The following GSK3B variants were observed in gnomAD, a reference collection of about 807,000 sequenced individuals.
GSK3B encodes the protein glycogen synthase kinase 3 beta, also known as glycogen synthase kinase-3 beta.
Under a neutral mutation model 56.4 loss-of-function variants are expected in GSK3B, and 15 were observed. The ratio of observed to expected loss-of-function variants is 0.27; its 90% CI spans 0.18 to 0.41. GSK3B has a LOEUF of 0.41. Ranked by LOEUF, GSK3B falls within the 10% of genes least tolerant of loss-of-function variation. The pLI is 1.00. For missense variants in GSK3B, 300 were observed against 513.4 expected (o/e 0.58, Z 4.02); for synonymous variants, 181 against 188.9 (o/e 0.96, Z 0.34).
chr3:119,842,241 C>T (rs185624175), intron 10 of GSK3B, among the ~76,000 whole-genome samples: 40 of 152,182 alleles, frequency 2.6e-4, no homozygotes, highest in African/African-American at 8.2e-4. Flanking sequence ...GCAAGGACAC[C>T]GGTTCTCACT....
chr3:119,972,536 C>T (rs1474262486), intron 2 of GSK3B, among the ~76,000 whole-genome samples: 3 of 152,104 alleles, frequency 2.0e-5, no homozygotes, highest in African/African-American at 7.2e-5. Flanking sequence ...CCCAGGTTCA[C>T]GCCACCCTCC....
intron 1 of GSK3B, among the ~76,000 whole-genome samples, chr3:120,065,597 A>G (rs74778169): frequency 0.026 from 3,935 of 152,254 alleles, 174 homozygotes; most frequent in African/African-American, 0.089. Context: ...TGACCCTGCA[A>G]TTTCATTATT....
chr3:119,950,376 C>T (rs957772250), intron 2 of GSK3B, among the ~76,000 whole-genome samples: 15 of 152,042 alleles, frequency 9.9e-5, no homozygotes, highest in Non-Finnish European at 1.8e-4. Context: ...AGGTAAGAAC[C>T]ATGTGAAGAT....
intron 1 of GSK3B, among the ~76,000 whole-genome samples, chr3:120,086,785 A>G (rs888386472): frequency 1.3e-4 from 19 of 151,966 alleles, no homozygotes; most frequent in Admixed American, 4.6e-4. Flanking sequence ...TAGGCAACAC[A>G]GCGAGACCCT....
At chr3:120,048,148 G>C (rs2058118941) in intron 1 of GSK3B, among the ~76,000 whole-genome samples, 1 of 151,960 alleles carries the variant, frequency 6.6e-6, no homozygotes, top group South Asian at 2.1e-4. Flanking sequence ...CTACAGATAA[G>C]GTAAAAGAAA....
chr3:119,984,168 G>A (rs960208092), intron 2 of GSK3B, among the ~76,000 whole-genome samples: 2 of 152,122 alleles, frequency 1.3e-5, no homozygotes, highest in Non-Finnish European at 2.9e-5. Flanking sequence ...TGAGAACAAA[G>A]ACACAACATA....
chr3:119,960,086 TA>T (rs1341070634), intron 2 of GSK3B, among the ~76,000 whole-genome samples: 1 of 84,356 alleles, frequency 1.2e-5, no homozygotes, highest in Non-Finnish European at 2.2e-5. Context: ...TACTCAGCAA[TA>T]AAAAAGAAAC....
intron 2 of GSK3B, among the ~76,000 whole-genome samples, chr3:119,953,066 G>A (rs1255650405): frequency 6.6e-6 from 1 of 152,084 alleles, no homozygotes; most frequent in Non-Finnish European, 1.5e-5. Flanking sequence ...GCAAAAAGGA[G>A]GGGGAGAAAA....
chr3:119,977,418 A>G (rs1370870564), intron 2 of GSK3B, among the ~76,000 whole-genome samples: 2 of 152,160 alleles, frequency 1.3e-5, no homozygotes, highest in Non-Finnish European at 2.9e-5. Flanking sequence ...CTTAATGGAG[A>G]CCTTTTCCCA....
chr3:119,831,453 A>C (rs111396229), intron 10 of GSK3B, among the ~76,000 whole-genome samples: 86 of 152,140 alleles, frequency 5.7e-4, no homozygotes, highest in Admixed American at 9.2e-4. Flanking sequence ...GTCAGGAGAT[A>C]GAGACCATCC....
intron 2 of GSK3B, among the ~76,000 whole-genome samples, chr3:119,985,315 T>G (rs112482211): frequency 6.6e-6 from 1 of 152,136 alleles, no homozygotes; most frequent in Non-Finnish European, 1.5e-5. Flanking sequence ...CTATTCAACA[T>G]AGTGTTGGAA....
At chr3:119,976,930 T>A (rs1187211884) in intron 2 of GSK3B, among the ~76,000 whole-genome samples, 1 of 152,010 alleles carries the variant, frequency 6.6e-6, no homozygotes, top group Non-Finnish European at 1.5e-5. Context: ...GTGAGAAAAC[T>A]TAAAAAGCAC....
chr3:120,093,081 C>T (rs1298451426), intron 1 of GSK3B, among the ~76,000 whole-genome samples: 1 of 152,126 alleles, frequency 6.6e-6, no homozygotes, highest in East Asian at 1.9e-4. Flanking sequence ...AACTGACTAC[C>T]AACAGCAAGA....
chr3:120,092,795 AG>A (rs1482196349), intron 1 of GSK3B, among the ~76,000 whole-genome samples: 3 of 152,148 alleles, frequency 2.0e-5, no homozygotes, highest in African/African-American at 7.2e-5. Flanking sequence ...ATGGTTACTG[AG>A]GAAGTTCATC....
intron 7 of GSK3B, among the ~76,000 whole-genome samples, chr3:119,883,299 A>T (rs2056399261): frequency 6.6e-6 from 1 of 152,166 alleles, no homozygotes; most frequent in African/African-American, 2.4e-5. Context: ...TTTTATTATG[A>T]CAAGGTCCTC....
At chr3:119,975,785 G>A (rs1296031504) in intron 2 of GSK3B, among the ~76,000 whole-genome samples, 1 of 152,034 alleles carries the variant, frequency 6.6e-6, no homozygotes, top group African/African-American at 2.4e-5. Context: ...TATAAATAAT[G>A]GTATATTGAT....
intron 2 of GSK3B, among the ~76,000 whole-genome samples, chr3:119,985,196 A>C (rs1189665881): frequency 6.6e-6 from 1 of 152,204 alleles, no homozygotes; most frequent in African/African-American, 2.4e-5. Flanking sequence ...ATCTCAAAAT[A>C]AGAGCTATTT....
At chr3:119,962,664 A>C (rs2057283283) in intron 2 of GSK3B, among the ~76,000 whole-genome samples, 1 of 152,236 alleles carries the variant, frequency 6.6e-6, no homozygotes, top group South Asian at 2.1e-4. Context: ...GTTAGAATAA[A>C]TTCAGTCAAG....
At chr3:120,003,441 C>G (rs1224947442) in intron 1 of GSK3B, among the ~76,000 whole-genome samples, 3 of 152,312 alleles carry the variant, frequency 2.0e-5, no homozygotes, top group African/African-American at 7.2e-5. Flanking sequence ...TCTCTCTTCC[C>G]TGACAAATCT....
Sources: gnomAD v4.1 joint callset for allele counts (sites outside exome capture counted in the v4.1 genomes callset) on GRCh38, gnomAD v4.1.1 for gene constraint, MANE v1.5 for transcripts, NCBI Gene and HGNC (gene_info 2026-07-23, HGNC 2026-07-21) for gene names.